The following LRRC18 variants were observed in gnomAD, a reference collection of about 807,000 sequenced individuals.
LRRC18 encodes leucine-rich repeat-containing protein 18.
In LRRC18, 12 loss-of-function variants were observed where a neutral mutation model predicts 11.2. The observed-to-expected ratio is 1.07, with a 90% confidence interval of 0.69 to 1.74. The LOEUF (loss-of-function observed/expected upper bound fraction) is 1.74, where lower values mean the gene tolerates loss of function less well. Ranked by LOEUF, LRRC18 falls within the 40% of genes most tolerant of loss-of-function variation. LRRC18 has a pLI of 0.00. For synonymous variants in LRRC18, 155 were observed against 130.6 expected (o/e 1.19, Z -1.27); for missense variants, 374 against 330.5 (o/e 1.13, Z -1.02).
the LRRC18 span, among the ~76,000 whole-genome samples, chr10:48,922,451 A>G: frequency 6.6e-6 from 1 of 152,178 alleles, no homozygotes; most frequent in African/African-American, 2.4e-5. Flanking sequence ...AAAACAAATC[A>G]TATGCTGAGG....
chr10:48,922,047 C>A, the LRRC18 span, among the ~76,000 whole-genome samples: 1 of 152,084 alleles, frequency 6.6e-6, no homozygotes, highest in Non-Finnish European at 1.5e-5. Context: ...TCATAATTGC[C>A]CCAAACAGAA....
the LRRC18 span, among the ~76,000 whole-genome samples, chr10:48,925,833 C>T: frequency 2.0e-5 from 3 of 152,188 alleles, no homozygotes; most frequent in African/African-American, 7.2e-5. Context: ...CTATCATTCA[C>T]TCATGGTACC....
At chr10:48,922,045 G>A in the LRRC18 span, among the ~76,000 whole-genome samples, 1 of 152,182 alleles carries the variant, frequency 6.6e-6, no homozygotes, top group Non-Finnish European at 1.5e-5. Flanking sequence ...ATTCATAATT[G>A]CCCCAAACAG....
chr10:48,918,656 A>G (rs1362458154), upstream of LRRC18, among the ~76,000 whole-genome samples: 2 of 152,240 alleles, frequency 1.3e-5, no homozygotes, highest in Non-Finnish European at 2.9e-5. Flanking sequence ...TCAGCAGTCA[A>G]TAGAACAGGT....
chr10:48,923,982 G>A, the LRRC18 span, among the ~76,000 whole-genome samples: 1 of 152,316 alleles, frequency 6.6e-6, no homozygotes, highest in Non-Finnish European at 1.5e-5. Flanking sequence ...AGCCCTCCCA[G>A]CTCTGATGAA....
At chr10:48,921,222 C>T in the LRRC18 span, among the ~76,000 whole-genome samples, 1 of 152,142 alleles carries the variant, frequency 6.6e-6, no homozygotes, top group East Asian at 1.9e-4. Flanking sequence ...TTAAAATTTA[C>T]CATATAGTTA....
At chr10:48,914,110 T>G (rs750623044) in exon 1 of LRRC18, 6 of 1,614,224 alleles carry the variant, frequency 3.7e-6, no homozygotes, top group South Asian at 2.2e-5. Flanking sequence ...CTGGCCACCT[T>G]GAGGGTGATC....
the LRRC18 span, among the ~76,000 whole-genome samples, chr10:48,925,401 G>A: frequency 1.6e-4 from 24 of 152,166 alleles, no homozygotes; most frequent in East Asian, 1.9e-4. Context: ...TGGGCAGGCC[G>A]CTGAAATCAG....
the LRRC18 span, among the ~76,000 whole-genome samples, chr10:48,938,413 G>T: frequency 6.6e-6 from 1 of 152,248 alleles, no homozygotes; most frequent in Non-Finnish European, 1.5e-5. Context: ...GAGTCCCTCG[G>T]CTGAGAGCCT....
the LRRC18 span, among the ~76,000 whole-genome samples, chr10:48,923,496 G>GTATATATATATA: frequency 3.3e-3 from 211 of 63,176 alleles, 33 homozygotes; most frequent in Admixed American, 0.027. Context: ...ATAGTTTTTA[G>GTATATATATATA]TATATATATA....
At chr10:48,912,359 CT>C (rs1177639244) in intron 1 of LRRC18, among the ~76,000 whole-genome samples, 1 of 152,238 alleles carries the variant, frequency 6.6e-6, no homozygotes, top group African/African-American at 2.4e-5. Flanking sequence ...ATTATTCCCA[CT>C]TCACGAGTGA....
At chr10:48,932,900 A>G in the LRRC18 span, among the ~76,000 whole-genome samples, 1 of 152,276 alleles carries the variant, frequency 6.6e-6, no homozygotes, top group Non-Finnish European at 1.5e-5. Context: ...TGACAGGAAG[A>G]GGGTGTAAGC....
upstream of LRRC18, among the ~76,000 whole-genome samples, chr10:48,918,161 G>A (rs1205743570): frequency 6.6e-6 from 1 of 152,136 alleles, no homozygotes; most frequent in Non-Finnish European, 1.5e-5. Context: ...ATACAAAGAA[G>A]GCAGGAAAAG....
At chr10:48,923,999 T>C in the LRRC18 span, among the ~76,000 whole-genome samples, 4 of 152,288 alleles carry the variant, frequency 2.6e-5, no homozygotes, top group East Asian at 7.7e-4. Context: ...TGAATGGTGA[T>C]GAGGAAGCAG....
the LRRC18 span, among the ~76,000 whole-genome samples, chr10:48,921,834 A>G: frequency 6.6e-6 from 1 of 152,180 alleles, no homozygotes; most frequent in Non-Finnish European, 1.5e-5. Flanking sequence ...TGGCAAGGAG[A>G]TGCTGCAACT....
chr10:48,915,737 G>A (rs79278041), upstream of LRRC18, among the ~76,000 whole-genome samples: 1,630 of 152,324 alleles, frequency 0.011, 33 homozygotes, highest in African/African-American at 0.037. Context: ...CCCTGCGAAA[G>A]GCCTGATGGA....
At chr10:48,917,121 G>A (rs1411106217), upstream of LRRC18, among the ~76,000 whole-genome samples, 1 of 152,162 alleles carries the variant, frequency 6.6e-6, no homozygotes, top group East Asian at 1.9e-4. Context: ...AGATCATGTA[G>A]TCTACCTAGG....
chr10:48,913,479 T>C, exon 1 of LRRC18: 1 of 1,525,826 alleles, frequency 6.6e-7, no homozygotes, highest in Non-Finnish European at 8.8e-7. Context: ...CGTGGCCATG[T>C]TCTTGATTCT....
the LRRC18 span, among the ~76,000 whole-genome samples, chr10:48,922,938 T>A: frequency 6.6e-6 from 1 of 152,230 alleles, no homozygotes; most frequent in East Asian, 1.9e-4. Flanking sequence ...TGGGTTGGTG[T>A]CACTGCCTGC....
Sources: allele counts gnomAD v4.1 joint callset (sites outside exome capture counted in the v4.1 genomes callset), GRCh38; gene constraint gnomAD v4.1.1; transcripts MANE v1.5; gene names NCBI Gene and HGNC (gene_info 2026-07-23, HGNC 2026-07-21).